The following ATP11B variants were observed in gnomAD, a reference collection of about 807,000 sequenced individuals.
The protein encoded by ATP11B is phospholipid-transporting ATPase IF.
In ATP11B, 81 loss-of-function variants were observed where a neutral mutation model predicts 157.8. The ratio of observed to expected loss-of-function variants is 0.51; its 90% CI spans 0.43 to 0.62. The LOEUF is 0.62. Among genes scored for constraint, ATP11B ranks in the 20% least tolerant of loss-of-function variants. The pLI, the probability that ATP11B is intolerant of heterozygous loss-of-function variation, is 0.00. For missense variants in ATP11B, 1,165 were observed against 1,402.2 expected, an observed-to-expected ratio of 0.83 and a Z score of 2.70; for synonymous variants, 451 against 469.4, an observed-to-expected ratio of 0.96 and a Z score of 0.51.
chr3:182,812,514 A>G (rs929743465), intron 1 of ATP11B, among the ~76,000 whole-genome samples: 45 of 152,208 alleles, frequency 3.0e-4, no homozygotes, highest in African/African-American at 1.0e-3. Context: ...AAAACCTGTG[A>G]TCTTTAAATT....
chr3:182,873,858 G>A lies in ATP11B; in HGVS notation c.2095G>A (p.Gly699Ser), dbSNP rs1412003294. 1 of 1,614,096 alleles carries A rather than the reference G, an allele frequency of 6.2e-7. No individual in the cohort carries two copies. Among genetic ancestry groups the A allele is most frequent in the South Asian group, 1.1e-5 (1 of 91,078 alleles). Residue 699 changes from glycine (G) to serine (S), a missense_variant, in exon 19 of 30, where the codon GGT (glycine) becomes AGT (serine). Transcript: ENST00000323116. ...AACTATTGAAGCATTGAGAATGGCTGGTATCAAAGTATGGGTACTTACTGG... is the reference window on the plus strand; with the variant it reads ...AACTATTGAAGCATTGAGAATGGCTAGTATCAAAGTATGGGTACTTACTGG... ...RETIEALRMA[G>S]IKVWVLTGDK...
In ATP11B at chr3:182,880,861, A is replaced by G. The variant is rs992074245; in HGVS notation, c.2407-18A>G. ...ATTGAACTTGCGTCATAAATAACCA[A>G]TTCATTATGTCTTTCAGGTAATAAG... is the stretch of plus-strand genomic sequence containing the variant. On this transcript the variant is annotated intron_variant, in intron 20 of 29. Coordinates refer to ENST00000323116, the MANE Select transcript of ATP11B (RefSeq NM_014616.3). 2.7e-6 allele frequency: 4 copies of G among 1,509,398 alleles called. No homozygotes were observed. The highest frequency in any genetic ancestry group is 1.3e-5 in the South Asian group (1 of 78,798). 93.5% of individuals were successfully genotyped at this position (1,509,398 alleles called of 1,614,324 possible).
intron 9 of ATP11B, 90 bp from the exon 10 acceptor site, chr3:182,848,386 A>G: frequency 4.1e-6 from 3 of 725,846 alleles, no homozygotes; most frequent in Non-Finnish European, 6.1e-6. Flanking sequence ...CAGACAGTAC[A>G]CTAAAAGCTT....
At chr3:182,867,922 A>G (rs935440409) in intron 15 of ATP11B, among the ~76,000 whole-genome samples, 1 of 152,198 alleles carries the variant, frequency 6.6e-6, no homozygotes, top group Non-Finnish European at 1.5e-5. Context: ...TATGCAACAG[A>G]GACCATGTAT....
intron 12 of ATP11B, among the ~76,000 whole-genome samples, chr3:182,860,170 T>G (rs1334573034): frequency 6.6e-6 from 1 of 152,212 alleles, no homozygotes; most frequent in African/African-American, 2.4e-5. Context: ...CTGTACATCT[T>G]CTAATAACTT....
chr3:182,799,707 C>G (rs555526479), intron 1 of ATP11B, among the ~76,000 whole-genome samples: 44 of 152,056 alleles, frequency 2.9e-4, no homozygotes, highest in Middle Eastern at 6.8e-3. Context: ...TAAAAAATAT[C>G]AAAATGAAAC....
intron 2 of ATP11B, among the ~76,000 whole-genome samples, chr3:182,826,801 G>A (rs1717755068): frequency 6.6e-6 from 1 of 152,112 alleles, no homozygotes; most frequent in East Asian, 1.9e-4. Flanking sequence ...TGTTTATAAG[G>A]TTGTTCATGT....
chr3:182,897,485 T>G, intron 27 of ATP11B, 79 bp downstream of exon 27: 2 of 1,022,458 alleles, frequency 2.0e-6, no homozygotes, highest in Non-Finnish European at 2.9e-6. Flanking sequence ...ATTATGAACA[T>G]ATTCTGCTCA....
At chr3:182,822,730 A>G (rs888676711) in intron 2 of ATP11B, among the ~76,000 whole-genome samples, 3 of 152,224 alleles carry the variant, frequency 2.0e-5, no homozygotes, top group African/African-American at 7.2e-5. Flanking sequence ...TTACAGTCCC[A>G]CCAACAGTGT....
At chr3:182,851,947 T>A (rs1175647906) in intron 10 of ATP11B, among the ~76,000 whole-genome samples, 1 of 152,188 alleles carries the variant, frequency 6.6e-6, no homozygotes, top group African/African-American at 2.4e-5. Context: ...CATCAAAAGA[T>A]ATACTATGTA....
intron 23 of ATP11B, among the ~76,000 whole-genome samples, chr3:182,887,199 G>A (rs573378956): frequency 6.6e-6 from 1 of 152,298 alleles, no homozygotes; most frequent in South Asian, 2.1e-4. Flanking sequence ...TGTAGACAGG[G>A]AGACAAAGCC....
chr3:182,898,932 G>T (rs1201811806), intron 28 of ATP11B, among the ~76,000 whole-genome samples, 160 bp downstream of exon 28: 1 of 151,906 alleles, frequency 6.6e-6, no homozygotes, highest in Non-Finnish European at 1.5e-5. Context: ...TATTTTTGAA[G>T]TTATTTCTTA....
At position 182,918,272 on chromosome 3, in the gene ATP11B, C is replaced by T; in HGVS notation, c.*168C>T. On this transcript the variant is annotated 3_prime_UTR_variant, in exon 30 of 30. Transcript: ENST00000323116. ...AACAAACAGAAAGCATTAGTACAAG[C>T]CCCTCCCAACACCCTTAATTTGAAT... 1.2e-6 allele frequency: 1 copy of T among 845,782 alleles called. No individual in the cohort carries two copies. The allele number at this position is 845,782 out of a possible 1,614,324, so 52.4% of individuals were successfully genotyped here.
At chr3:182,822,228 C>A (rs1717405324) in intron 2 of ATP11B, among the ~76,000 whole-genome samples, 1 of 151,894 alleles carries the variant, frequency 6.6e-6, no homozygotes, top group Non-Finnish European at 1.5e-5. Context: ...ATTAACTCGT[C>A]ATTTACATTA....
intron 29 of ATP11B, 143 bp from the exon 30 acceptor site, chr3:182,917,880 G>A (rs950882384): frequency 1.7e-5 from 22 of 1,314,436 alleles, no homozygotes; most frequent in East Asian, 5.5e-5. Flanking sequence ...TTGGGCATTC[G>A]ATACTAGTAT....
chr3:182,913,750 G>T, intron 28 of ATP11B, 111 bp from the exon 29 acceptor site: 1 of 1,535,630 alleles, frequency 6.5e-7, no homozygotes, highest in Non-Finnish European at 8.8e-7. Context: ...AGAAAAACAT[G>T]TAGGTTTATA....
At chr3:182,893,523 T>C (rs1222812622) in intron 25 of ATP11B, among the ~76,000 whole-genome samples, 1 of 152,262 alleles carries the variant, frequency 6.6e-6, no homozygotes, top group East Asian at 1.9e-4. Flanking sequence ...CATGATTTCA[T>C]TCCTTTTTAT....
chr3:182,901,267 G>A (rs1723941364), intron 28 of ATP11B, among the ~76,000 whole-genome samples: 1 of 149,878 alleles, frequency 6.7e-6, no homozygotes, highest in Admixed American at 6.7e-5. Context: ...GGAGACTAAG[G>A]CATGAGAATC....
In ATP11B at chr3:182,889,451, T is replaced by A; in HGVS notation, c.2885T>A (p.Leu962His). 6.3e-7 allele frequency: 1 copy of A among 1,578,570 alleles called. No homozygotes were observed. The highest frequency in any genetic ancestry group is 8.6e-7 in the Non-Finnish European group (1 of 1,167,872). ...KNRLLSIKTF[L>H]YWTILGFSHA... ...CGCCTCTTAAGTATTAAAACATTTC[T>A]TTATTGGACCATCCTGGGCTTCAGT... Residue 962 changes from leucine to histidine, a missense_variant, in exon 25 of 30, where the codon CTT (leucine) becomes CAT (histidine). Around this residue, in one of 4 missense-constraint regions of ATP11B, gnomAD observed 303 missense variants for 296.3 expected, o/e 1.02. Coordinates refer to ENST00000323116, the MANE Select transcript of ATP11B (RefSeq NM_014616.3).
Sources: gnomAD v4.1 joint callset for allele counts (sites outside exome capture counted in the v4.1 genomes callset) on GRCh38, gnomAD v4.1.1 for gene constraint, gnomAD v4.1.1 regional missense constraint, MANE v1.5 for transcripts, NCBI Gene and HGNC (gene_info 2026-07-23, HGNC 2026-07-21) for gene names.